RTN4IP1: variants seen among roughly 807,000 people sequenced by gnomAD.
RTN4IP1 encodes NAD(P)H oxidoreductase RTN4IP1, mitochondrial.
Under a neutral mutation model 46.6 loss-of-function variants are expected in RTN4IP1, and 32 were observed. That is an observed-to-expected ratio of 0.69 (90% CI 0.52 to 0.92). The LOEUF is 0.92. RTN4IP1 is among the 40% of genes least tolerant of loss of function. The pLI is 0.00. For missense variants in RTN4IP1, 424 were observed against 485.8 expected, an observed-to-expected ratio of 0.87 and a Z score of 1.20; for synonymous variants, 167 against 161.8, an observed-to-expected ratio of 1.03 and a Z score of -0.24.
chr6:106,623,775 G>A (rs1776558269), intron 1 of RTN4IP1, among the ~76,000 whole-genome samples: 1 of 152,130 alleles, frequency 6.6e-6, no homozygotes, highest in South Asian at 2.1e-4. Flanking sequence ...ACGTATTCAT[G>A]TCTTTATTAA....
chr6:106,583,193 C>T (rs912490300), intron 8 of RTN4IP1, 135 bp downstream of exon 8: 33 of 634,076 alleles, frequency 5.2e-5, no homozygotes, highest in Non-Finnish European at 4.5e-5. Flanking sequence ...GTAAACTTGG[C>T]CATGTAAGGC....
At position 106,628,908 on chromosome 6, in the gene RTN4IP1, A is replaced by G; in HGVS notation, c.114T>C (p.Pro38=). 3.1e-6 allele frequency: 5 copies of G among 1,613,622 alleles called. No individual in the cohort carries two copies. Among genetic ancestry groups the G allele is most frequent in the Non-Finnish European group, 4.2e-6 (5 of 1,179,786 alleles). The change falls in exon 1 of 9, where the codon CCT becomes CCC. Residue 38 remains proline, a synonymous_variant. Transcript: ENST00000369063. The stretch of plus-strand genomic sequence containing the variant: ...CCCAAGCAGGCATGACAGTGCTCCT[A>G]GGAGAGGTAGTACTAATCCTTCTAA... ...PSVRRISTTS[P]RSTVMPAWVI... is the part of the protein sequence containing the mutation.
chr6:106,624,814 T>C (rs1034628280), intron 1 of RTN4IP1, among the ~76,000 whole-genome samples: 2 of 150,650 alleles, frequency 1.3e-5, no homozygotes, highest in Non-Finnish European at 3.0e-5. Flanking sequence ...TACATGCCTG[T>C]AATCCCAGCT....
At position 106,571,744 on chromosome 6, in the gene RTN4IP1, A is replaced by C; in HGVS notation, c.*252T>G. The C allele has an allele frequency of 2.3e-6, 1 of 433,378 alleles. No individual in the cohort carries two copies. The highest frequency in any genetic ancestry group is 4.2e-6 in the Non-Finnish European group (1 of 240,500). The allele number at this position is 433,378 out of a possible 1,614,324, so 26.8% of individuals were successfully genotyped here. On this transcript the variant is annotated 3_prime_UTR_variant, in exon 9 of 9. Transcript: ENST00000369063. ...AAGCTAGTAAAACAGAAGGTGCCAC[A>C]ACAACCTGCAAAGCCAGTGTGAAGG... is the stretch of plus-strand genomic sequence containing the variant.
chr6:106,608,917 T>C (rs761889964), intron 4 of RTN4IP1, among the ~76,000 whole-genome samples: 3 of 152,198 alleles, frequency 2.0e-5, no homozygotes, highest in Admixed American at 6.5e-5. Flanking sequence ...TCACAATATA[T>C]TACCTGCACT....
intron 4 of RTN4IP1, among the ~76,000 whole-genome samples, chr6:106,614,357 T>C (rs17067445): frequency 0.033 from 5,028 of 151,888 alleles, 268 homozygotes; most frequent in East Asian, 0.2. Flanking sequence ...AGAGGAAGAG[T>C]TGGGGTGGTA....
At chr6:106,575,130 A>C (rs6926307) in intron 8 of RTN4IP1, among the ~76,000 whole-genome samples, 21,530 of 152,166 alleles carry the variant, frequency 0.14, 1,747 homozygotes, top group African/African-American at 0.21. Context: ...GAGTTAAAAT[A>C]CAGAGGGGGG....
intron 4 of RTN4IP1, among the ~76,000 whole-genome samples, chr6:106,608,863 C>T (rs1776152620): frequency 6.6e-6 from 1 of 152,188 alleles, no homozygotes; most frequent in Admixed American, 6.5e-5. Context: ...TACTTTTGTC[C>T]ATTCTTATAG....
chr6:106,616,153 T>C (rs1776350654), intron 4 of RTN4IP1, among the ~76,000 whole-genome samples: 3 of 152,130 alleles, frequency 2.0e-5, no homozygotes, highest in Admixed American at 2.0e-4. Context: ...TCCTGACCTC[T>C]TGATCCACCC....
At chr6:106,577,028 C>A (rs1375202552) in intron 8 of RTN4IP1, among the ~76,000 whole-genome samples, 1 of 152,192 alleles carries the variant, frequency 6.6e-6, no homozygotes. Context: ...ACTGTTCAAC[C>A]AAGATGCTTG....
At chr6:106,627,580 AC>A (rs1368926420) in intron 1 of RTN4IP1, among the ~76,000 whole-genome samples, 1 of 152,078 alleles carries the variant, frequency 6.6e-6, no homozygotes, top group Non-Finnish European at 1.5e-5. Context: ...AGTAAAACTT[AC>A]CACTAAAAGA....
chr6:106,592,705 CCT>C (rs1775693581), intron 5 of RTN4IP1, among the ~76,000 whole-genome samples: 1 of 152,134 alleles, frequency 6.6e-6, no homozygotes, highest in Non-Finnish European at 1.5e-5. Flanking sequence ...AGGTGGATCA[CCT>C]GAGGTCAGGA....
At position 106,616,152 on chromosome 6, in the gene RTN4IP1, C is replaced by CT. The variant is rs1442150561; in HGVS notation, c.620+3049dup. Among the ~76,000 whole-genome samples the CT allele has an allele frequency of 3.3e-5, 5 of 152,298 alleles. No homozygotes were observed. In the East Asian group the frequency reaches 9.7e-4, roughly 29 times the overall value. On this transcript the variant is annotated intron_variant, in intron 4 of 8. Transcript: ENST00000369063. Reference sequence around the variant, plus strand: ...CAGGATAGTCTCGATCTCCTGACCTCTTGATCCACCCACCTCGGCCTCCCA... The same window carrying CT: ...CAGGATAGTCTCGATCTCCTGACCTCTTTGATCCACCCACCTCGGCCTCCCA...
intron 1 of RTN4IP1, among the ~76,000 whole-genome samples, chr6:106,625,276 G>A (rs987695628): frequency 5.3e-5 from 8 of 151,830 alleles, no homozygotes; most frequent in Non-Finnish European, 8.8e-5. Flanking sequence ...CACTCTGTAC[G>A]TCTCCCCTTG....
intron 8 of RTN4IP1, among the ~76,000 whole-genome samples, chr6:106,578,621 C>T (rs956997412): frequency 1.3e-5 from 2 of 152,152 alleles, no homozygotes; most frequent in African/African-American, 2.4e-5. Context: ...TGAGAATGCC[C>T]AGAACAGCAG....
chr6:106,575,247 C>T (rs6926670), intron 8 of RTN4IP1, among the ~76,000 whole-genome samples: 21,522 of 152,162 alleles, frequency 0.14, 1,751 homozygotes, highest in African/African-American at 0.21. Context: ...CAACACCATG[C>T]TTCCCACTGC....
chr6:106,584,421 C>T (rs775570195), intron 7 of RTN4IP1, among the ~76,000 whole-genome samples: 1 of 152,180 alleles, frequency 6.6e-6, no homozygotes, highest in Non-Finnish European at 1.5e-5. Flanking sequence ...CCCACAACTG[C>T]GAGGTGAGCT....
At chr6:106,616,208 C>T (rs1776353117) in intron 4 of RTN4IP1, among the ~76,000 whole-genome samples, 1 of 152,194 alleles carries the variant, frequency 6.6e-6, no homozygotes, top group Non-Finnish European at 1.5e-5. Context: ...TGAGCCGCCG[C>T]GCCTGGCCTC....
intron 7 of RTN4IP1, 54 bp downstream of exon 7, chr6:106,587,625 A>G (rs1289886697): frequency 5.8e-6 from 9 of 1,539,166 alleles, no homozygotes; most frequent in Non-Finnish European, 7.9e-6. Context: ...TGGGAAACCA[A>G]TTTCTAGCAG....
Sources: gnomAD v4.1 joint callset for allele counts (sites outside exome capture counted in the v4.1 genomes callset) on GRCh38, gnomAD v4.1.1 for gene constraint, MANE v1.5 for transcripts, NCBI Gene and HGNC (gene_info 2026-07-23, HGNC 2026-07-21) for gene names.